The following TRHDE variants were observed in gnomAD, a reference collection of about 807,000 sequenced individuals.
TRHDE encodes the protein thyrotropin releasing hormone degrading enzyme.
Under a neutral mutation model 125.7 loss-of-function variants are expected in TRHDE, and 72 were observed. That is an observed-to-expected ratio of 0.57 (90% CI 0.47 to 0.70). TRHDE has a LOEUF of 0.70. Ranked by LOEUF, TRHDE falls within the 30% of genes least tolerant of loss-of-function variation. The pLI, the probability that TRHDE is intolerant of heterozygous loss-of-function variation, is 0.00. For missense variants in TRHDE, 1,110 were observed against 1,327.1 expected (o/e 0.84, Z 2.54); for synonymous variants, 509 against 509.1 (o/e 1.00, Z 0.00).
chr12:72,312,187 G>C (rs1458977819), intron 2 of TRHDE, among the ~76,000 whole-genome samples: 1 of 152,152 alleles, frequency 6.6e-6, no homozygotes, highest in East Asian at 1.9e-4. Context: ...AAAGGCCATA[G>C]TCAGTTACCT....
intron 2 of TRHDE, among the ~76,000 whole-genome samples, chr12:72,208,174 AC>A: frequency 6.6e-6 from 1 of 151,704 alleles, no homozygotes; most frequent in Middle Eastern, 3.4e-3. Context: ...TCCATATTCC[AC>A]CCTCTGCCCT....
In TRHDE at chr12:72,469,208, T is replaced by C. The variant is rs949821476; in HGVS notation, c.1316-550T>C. 6.6e-5 allele frequency among the ~76,000 whole-genome samples: 10 copies of C among 152,218 alleles called. No individual in the cohort carries two copies. In the East Asian group the frequency reaches 1.5e-3, roughly 23 times the overall value. ...TGGGTCCCCTCAATAATATTTTTTT[T>C]CCATTATATCCACTATCAGAGCTTT... On this transcript the variant is annotated intron_variant, in intron 3 of 18. Coordinates refer to ENST00000261180, the MANE Select transcript of TRHDE (RefSeq NM_013381.3).
At chr12:72,094,901 C>T (rs1452560961) in intron 1 of TRHDE, among the ~76,000 whole-genome samples, 1 of 152,216 alleles carries the variant, frequency 6.6e-6, no homozygotes, top group Non-Finnish European at 1.5e-5. Context: ...TGAATCCCAA[C>T]ACGAAGGTAC....
chr12:72,569,938 G>T (rs185724896), intron 10 of TRHDE, among the ~76,000 whole-genome samples: 46 of 152,166 alleles, frequency 3.0e-4, no homozygotes, highest in Non-Finnish European at 5.1e-4. Context: ...GTAGTTGTTT[G>T]TCTACATAAG....
intron 6 of TRHDE, among the ~76,000 whole-genome samples, chr12:72,510,451 C>T (rs1055497803): frequency 3.3e-5 from 5 of 152,158 alleles, no homozygotes; most frequent in African/African-American, 1.2e-4. Context: ...TAATCTCCCA[C>T]ACTTGTAACA....
At chr12:72,264,999 T>C (rs907491593) in intron 2 of TRHDE, among the ~76,000 whole-genome samples, 17 of 151,742 alleles carry the variant, frequency 1.1e-4, no homozygotes, top group African/African-American at 3.6e-4. Flanking sequence ...ATTTTTTGTG[T>C]AGTTATTTTG....
At chr12:72,577,885 T>C (rs1010714305) in intron 12 of TRHDE, among the ~76,000 whole-genome samples, 4 of 152,172 alleles carry the variant, frequency 2.6e-5, no homozygotes, top group Non-Finnish European at 5.9e-5. Flanking sequence ...TGGAATCTCA[T>C]TGAATATATA....
chr12:72,276,925 G>C (rs147415352), intron 1 of TRHDE, among the ~76,000 whole-genome samples: 2 of 152,122 alleles, frequency 1.3e-5, no homozygotes, highest in Non-Finnish European at 2.9e-5. Flanking sequence ...TAAAATGTCC[G>C]TTTACCTGAA....
chr12:72,104,929 T>G (rs969463000), intron 1 of TRHDE, among the ~76,000 whole-genome samples: 3 of 152,164 alleles, frequency 2.0e-5, no homozygotes, highest in Non-Finnish European at 4.4e-5. Flanking sequence ...GCTCCCTTTA[T>G]TTTCTCATGC....
intron 1 of TRHDE, among the ~76,000 whole-genome samples, chr12:72,100,553 G>T (rs1875042508): frequency 6.6e-6 from 1 of 152,208 alleles, no homozygotes; most frequent in Non-Finnish European, 1.5e-5. Flanking sequence ...TGGTGTGTTT[G>T]CTGTTGTCAT....
chr12:72,211,954 GA>G (rs71438805), intron 2 of TRHDE, among the ~76,000 whole-genome samples: 1 of 151,720 alleles, frequency 6.6e-6, no homozygotes, highest in Non-Finnish European at 1.5e-5. Context: ...ATATATCAAA[GA>G]AAAAAACCTG....
intron 2 of TRHDE, among the ~76,000 whole-genome samples, chr12:72,141,882 G>A (rs1214032909): frequency 6.6e-6 from 1 of 152,130 alleles, no homozygotes; most frequent in Non-Finnish European, 1.5e-5. Context: ...GTGATGGTTT[G>A]GCAATTATCA....
chr12:72,199,559 A>AT (rs1877514892), intron 2 of TRHDE, among the ~76,000 whole-genome samples: 1 of 152,226 alleles, frequency 6.6e-6, no homozygotes, highest in Admixed American at 6.5e-5. Flanking sequence ...TGGAGCTAGA[A>AT]TTTGAAAAGC....
At chr12:72,210,171 G>GATCGATCT (rs1555168850) in intron 2 of TRHDE, among the ~76,000 whole-genome samples, 3 of 146,324 alleles carry the variant, frequency 2.1e-5, no homozygotes, top group South Asian at 2.2e-4. Context: ...CTATAAGATT[G>GATCGATCT]ATCTATCTAT....
chr12:72,188,824 A>G (rs1261446271), intron 2 of TRHDE, among the ~76,000 whole-genome samples: 1 of 152,210 alleles, frequency 6.6e-6, no homozygotes, highest in Non-Finnish European at 1.5e-5. Flanking sequence ...TTGCATATTA[A>G]CAGTTGCATA....
intron 5 of TRHDE, among the ~76,000 whole-genome samples, chr12:72,482,779 C>G (rs1302463432): frequency 3.3e-5 from 5 of 151,924 alleles, no homozygotes; most frequent in African/African-American, 1.2e-4. Flanking sequence ...TAATTACATT[C>G]TGTTCCTAAC....
chr12:72,193,525 G>T (rs1210398883), intron 2 of TRHDE, among the ~76,000 whole-genome samples: 1 of 152,068 alleles, frequency 6.6e-6, no homozygotes, highest in East Asian at 1.9e-4. Flanking sequence ...AATACAAGAG[G>T]CAGCTATTTA....
rs1185557120 is a variant in TRHDE at position 72,575,280 on chromosome 12, C to G, written c.2157C>G (p.Asp719Glu). ...AGCACCACAGAATAACTTATTTGGA[C>G]AAAGGAAGCTGGCTGCTGGGGAACA... ...KSEHHRITYL[D>E]KGSWLLGNIN... Residue 719 changes from aspartate (D) to glutamate (E), a missense_variant, in exon 11 of 19, where the codon GAC becomes GAG. This residue lies in a region of TRHDE where 527 missense variants were observed against 651.8 expected (regional missense o/e 0.81). Transcript: ENST00000261180. The G allele has an allele frequency of 4.3e-6, 7 of 1,613,204 alleles. No homozygotes were observed. In the African/African-American group the frequency reaches 9.4e-5, roughly 22 times the overall value.
At chr12:72,304,313 T>G (rs1460098832) in intron 2 of TRHDE, among the ~76,000 whole-genome samples, 1 of 152,184 alleles carries the variant, frequency 6.6e-6, no homozygotes, top group African/African-American at 2.4e-5. Flanking sequence ...CTTTGTTTTC[T>G]TAATTGTAAA....
Sources: allele counts gnomAD v4.1 joint callset (sites outside exome capture counted in the v4.1 genomes callset), GRCh38; gene constraint gnomAD v4.1.1; regional missense constraint gnomAD v4.1.1; transcripts MANE v1.5; gene names NCBI Gene and HGNC (gene_info 2026-07-23, HGNC 2026-07-21).